The following SYCP2 variants were observed in gnomAD, a reference collection of about 807,000 sequenced individuals.
SYCP2 encodes the protein synaptonemal complex protein 2.
SYCP2 carries 55 observed loss-of-function variants against 211.3 expected under a neutral mutation model. The ratio of observed to expected loss-of-function variants is 0.26; its 90% CI spans 0.21 to 0.33. The LOEUF is 0.33. Among genes scored for constraint, SYCP2 ranks in the 10% least tolerant of loss-of-function variants. SYCP2 has a pLI of 1.00. For synonymous variants in SYCP2, 570 were observed against 555.2 expected, an observed-to-expected ratio of 1.03 and a Z score of -0.37; for missense variants, 1,731 against 1,752.0, an observed-to-expected ratio of 0.99 and a Z score of 0.21.
intron 41 of SYCP2, 23 bp from the exon 42 acceptor site, chr20:59,865,888 A>G: frequency 9.3e-7 from 1 of 1,075,106 alleles, no homozygotes; most frequent in Non-Finnish European, 1.3e-6. Context: ...ATAAAATTTT[A>G]TTTAGTCCTA....
rs777654077 is a variant in SYCP2 at position 59,865,703 on chromosome 20, G to C, written c.4380-52C>G. ...TTGTATTTATCAATAATTCAAATTA[G>C]AGTGCTATAATATAGTATATATAAT... On this transcript the variant is annotated intron_variant, in intron 42 of 44. Transcript: ENST00000357552. The C allele has an allele frequency of 4.6e-6, 6 of 1,299,738 alleles. No homozygotes were observed. In the African/African-American group the frequency reaches 6.1e-5, roughly 13 times the overall value. 80.5% of individuals were successfully genotyped at this position (1,299,738 alleles called of 1,614,324 possible).
At chr20:59,908,280 GA>G (rs202005478) in intron 14 of SYCP2, among the ~76,000 whole-genome samples, 1 of 150,978 alleles carries the variant, frequency 6.6e-6, no homozygotes, top group Non-Finnish European at 1.5e-5. Context: ...AAAACAAAAC[GA>G]AAAAAAACTA....
At chr20:59,929,030 T>TA (rs1456525837) in intron 2 of SYCP2, among the ~76,000 whole-genome samples, 1 of 151,478 alleles carries the variant, frequency 6.6e-6, no homozygotes, top group African/African-American at 2.4e-5. Flanking sequence ...AGGATTAACA[T>TA]AAAAAGTATT....
chr20:59,867,029 A>AAAAG (rs1555867005), intron 39 of SYCP2, among the ~76,000 whole-genome samples: 8 of 141,582 alleles, frequency 5.7e-5, no homozygotes, highest in African/African-American at 2.1e-4. Flanking sequence ...AAAAAAAAAA[A>AAAAG]AAAAAAGAAA....
intron 17 of SYCP2, 82 bp downstream of exon 17, chr20:59,900,662 T>C (rs1046869697): frequency 1.9e-6 from 2 of 1,067,096 alleles, no homozygotes; most frequent in Admixed American, 2.1e-5. Flanking sequence ...ATATTCACCC[T>C]CCAACAACAC....
chr20:59,868,873 G>C lies in SYCP2; in HGVS notation c.3794C>G (p.Thr1265Arg), dbSNP rs776127429. ...AGCATCACAGGGCATGTCAAACCAC[G>C]TTTTCTCTCTTCCTTCACTAGACTT... ...LSKSSEGREK[T>R]WFDMPCDATH... Residue 1265 changes from threonine to arginine, a missense_variant, in exon 37 of 45, where the codon ACG becomes AGG. By Grantham distance (71) the Thr-to-Arg change is moderately conservative. Transcript: ENST00000357552. The C allele has an allele frequency of 3.7e-6, 6 of 1,609,944 alleles. No individual in the cohort carries two copies. The highest frequency in any genetic ancestry group is 2.7e-5 in the African/African-American group (2 of 74,700).
At chr20:59,912,240 G>A (rs2060345348) in intron 13 of SYCP2, 133 bp downstream of exon 13, 1 of 512,702 alleles carries the variant, frequency 2.0e-6, no homozygotes, top group Non-Finnish European at 3.5e-6. Flanking sequence ...GTCAGATACA[G>A]AATACTAGAC....
At chr20:59,916,689 T>C (rs929485487) in intron 7 of SYCP2, 118 bp from the exon 8 acceptor site, 25 of 660,704 alleles carry the variant, frequency 3.8e-5, no homozygotes, top group Non-Finnish European at 6.0e-5. Context: ...CCTATAATCC[T>C]AGCACTTTGG....
At chr20:59,927,751 T>C (rs894446248) in intron 2 of SYCP2, among the ~76,000 whole-genome samples, 2 of 152,132 alleles carry the variant, frequency 1.3e-5, no homozygotes, top group African/African-American at 4.8e-5. Flanking sequence ...ACATCACCAC[T>C]GAGGAGCTGG....
chr20:59,883,044 C>G (rs563686215), intron 26 of SYCP2, among the ~76,000 whole-genome samples: 2 of 151,988 alleles, frequency 1.3e-5, no homozygotes, highest in Admixed American at 1.3e-4. Context: ...AATCACCACC[C>G]ATATATATAA....
rs2060494907 is a variant in SYCP2, at chr20:59,919,160, T to G, written c.425A>C (p.Glu142Ala). Residue 142 changes from glutamate (E) to alanine (A), a missense_variant and splice_region_variant, in exon 7 of 45, where the codon GAA (glutamate) becomes GCA (alanine). Around this residue, in one of 3 missense-constraint regions of SYCP2, gnomAD observed 335 missense variants for 378.8 expected, o/e 0.88. Transcript: ENST00000357552. ...TAGAAAATAAGTGTTTATTATACCTTCATCACTGACATCATGTATGACCTG... is the reference window on the plus strand; with the variant it reads ...TAGAAAATAAGTGTTTATTATACCTGCATCACTGACATCATGTATGACCTG... ...LLLVIHDVSDEGKKQVVESFV... is the reference protein window; with the variant it reads ...LLLVIHDVSDAGKKQVVESFV... 1 of 1,272,296 alleles carries G rather than the reference T, an allele frequency of 7.9e-7. No homozygotes were observed. The highest frequency in any genetic ancestry group is 1.3e-5 in the South Asian group (1 of 78,222). 78.8% of individuals were successfully genotyped at this position (1,272,296 alleles called of 1,614,324 possible).
intron 15 of SYCP2, among the ~76,000 whole-genome samples, chr20:59,903,167 A>G (rs1014599311): frequency 3.9e-5 from 6 of 151,900 alleles, no homozygotes; most frequent in African/African-American, 1.2e-4. Flanking sequence ...TTATATTTTA[A>G]TGATTGCTTT....
At chr20:59,914,377 T>A in intron 10 of SYCP2, 126 bp from the exon 11 acceptor site, 1 of 471,808 alleles carries the variant, frequency 2.1e-6, no homozygotes, top group Non-Finnish European at 3.6e-6. Context: ...TTGATTAATC[T>A]ATTAATATTT....
intron 7 of SYCP2, among the ~76,000 whole-genome samples, chr20:59,917,722 A>G (rs1258362126): frequency 1.3e-5 from 2 of 152,202 alleles, no homozygotes; most frequent in Admixed American, 6.5e-5. Context: ...AATCCTAGGT[A>G]AGTCTTCTTC....
In SYCP2 at chr20:59,873,995, G is replaced by A. The variant is rs147452598; in HGVS notation, c.3416C>T (p.Pro1139Leu). ...TTCAAGTGATGAAGTTTTTGGATAA[G>A]GTGATATAGATTTTGTTATGCAGTC... Reference protein sequence around the residue: ...DYDCITKSISPYPKTSSLESL... With the variant: ...DYDCITKSISLYPKTSSLESL... The change falls in exon 35 of 45, where the codon CCT becomes CTT. Residue 1139 changes from proline (P) to leucine (L), a missense_variant. By Grantham distance (98) the Pro-to-Leu change is moderately conservative (BLOSUM62 -3). Coordinates refer to ENST00000357552, the MANE Select transcript of SYCP2 (RefSeq NM_014258.4). The A allele has an allele frequency of 2.3e-5, 37 of 1,612,866 alleles. No individual in the cohort carries two copies. In the African/African-American group the frequency reaches 4.8e-4, roughly 21 times the overall value.
chr20:59,899,049 C>T (rs1349168673), intron 18 of SYCP2, among the ~76,000 whole-genome samples: 1 of 152,050 alleles, frequency 6.6e-6, no homozygotes, highest in African/African-American at 2.4e-5. Context: ...TATCAAGATA[C>T]TGATATTTAA....
At chr20:59,903,102 C>CA (rs1393339042) in intron 15 of SYCP2, among the ~76,000 whole-genome samples, 1 of 151,968 alleles carries the variant, frequency 6.6e-6, no homozygotes, top group African/African-American at 2.4e-5. Context: ...CCTATTTGTA[C>CA]AAAAATTTGT....
intron 2 of SYCP2, among the ~76,000 whole-genome samples, chr20:59,930,501 TCTTC>T (rs2060718361): frequency 6.6e-6 from 1 of 152,192 alleles, no homozygotes; most frequent in Non-Finnish European, 1.5e-5. Flanking sequence ...ATGCCCATCT[TCTTC>T]CTTCTCTTTT....
At chr20:59,895,127 A>C (rs2059982222) in intron 20 of SYCP2, among the ~76,000 whole-genome samples, 1 of 152,096 alleles carries the variant, frequency 6.6e-6, no homozygotes, top group South Asian at 2.1e-4. Flanking sequence ...TCGCATTCCT[A>C]TACCAGAGTC....
Sources: allele counts gnomAD v4.1 joint callset (sites outside exome capture counted in the v4.1 genomes callset), GRCh38; gene constraint gnomAD v4.1.1; regional missense constraint gnomAD v4.1.1; transcripts MANE v1.5; gene names NCBI Gene and HGNC (gene_info 2026-07-23, HGNC 2026-07-21).